ZHX3: variants seen among roughly 807,000 people sequenced by gnomAD.
The protein encoded by ZHX3 is zinc fingers and homeoboxes protein 3.
A neutral mutation model predicts 64.5 loss-of-function variants in ZHX3; 20 were observed. The observed-to-expected ratio is 0.31, with a 90% CI of 0.22 to 0.45. ZHX3 has a LOEUF of 0.45. ZHX3 is among the 20% of genes least tolerant of loss of function. The pLI is 1.00. For missense variants in ZHX3, 1,041 were observed against 1,195.8 expected, an observed-to-expected ratio of 0.87 and a Z score of 1.91; for synonymous variants, 423 against 461.6, an observed-to-expected ratio of 0.92 and a Z score of 1.07.
In ZHX3 at chr20:41,185,262, G is replaced by T. The variant is rs188598257; in HGVS notation, c.2861-61C>A. 1,163 of 1,547,080 alleles carry T rather than the reference G, an allele frequency of 7.5e-4. 10 individuals carry two copies. In the African/African-American group the frequency reaches 0.014, roughly 19 times the overall value. On this transcript the variant is annotated intron_variant, in intron 3 of 3. Transcript: ENST00000683867. The surrounding 1 kb of genome is among the most constrained non-coding windows in gnomAD (Gnocchi z 5.0). The stretch of plus-strand genomic sequence containing the variant: ...GCTGCCACCACCTGCCCCCCAGGCA[G>T]CCTGGTCCTTGCTATACCAGGGTGG...
chr20:41,220,443 G>C (rs1420857668), intron 2 of ZHX3, among the ~76,000 whole-genome samples: 1 of 152,224 alleles, frequency 6.6e-6, no homozygotes, highest in Non-Finnish European at 1.5e-5. Context: ...TACAGCCGAA[G>C]CTTTGGGGAC....
chr20:41,220,993 A>G lies in ZHX3; in HGVS notation c.-150-15927T>C, dbSNP rs1458265225. Among the ~76,000 whole-genome samples, 6 of 151,906 alleles carry G rather than the reference A, an allele frequency of 3.9e-5. No homozygotes were observed. In the South Asian group the frequency reaches 6.2e-4, roughly 16 times the overall value. On this transcript the variant is annotated intron_variant, in intron 2 of 3. Coordinates refer to ENST00000683867, the MANE Select transcript of ZHX3 (RefSeq NM_001384317.1). Reference sequence around the variant, plus strand: ...CATAGCCACTGTGCCCAGCCGACACATTTTTCAATTGGAAAAACGTGATTT... The same window carrying G: ...CATAGCCACTGTGCCCAGCCGACACGTTTTTCAATTGGAAAAACGTGATTT...
intron 1 of ZHX3, among the ~76,000 whole-genome samples, chr20:41,299,127 C>T (rs1340661661): frequency 6.6e-6 from 1 of 152,206 alleles, no homozygotes; most frequent in East Asian, 1.9e-4. Context: ...CAGCATTTCT[C>T]ACCCTGCTAA....
chr20:41,307,561 A>C (rs186707623), intron 1 of ZHX3, among the ~76,000 whole-genome samples: 16 of 152,318 alleles, frequency 1.1e-4, no homozygotes, highest in South Asian at 2.1e-4. Flanking sequence ...AATATTCCTT[A>C]ATGCATCACA....
chr20:41,281,100 T>A (rs780226162), intron 1 of ZHX3, among the ~76,000 whole-genome samples: 1 of 152,200 alleles, frequency 6.6e-6, no homozygotes, highest in Non-Finnish European at 1.5e-5. Flanking sequence ...TTAGGAAGCA[T>A]GCTAACTGTA....
intron 2 of ZHX3, among the ~76,000 whole-genome samples, chr20:41,237,895 A>T (rs1464648011): frequency 3.3e-5 from 5 of 152,240 alleles, no homozygotes; most frequent in Admixed American, 3.3e-4. Context: ...AAGAGGTTCC[A>T]GATGTCAACT....
chr20:41,214,382 G>A (rs546183504), intron 2 of ZHX3, among the ~76,000 whole-genome samples: 6 of 152,254 alleles, frequency 3.9e-5, no homozygotes, highest in African/African-American at 1.2e-4. Context: ...TGCCTGGAGC[G>A]CACACAACTG....
At chr20:41,300,342 A>G (rs375846674) in intron 1 of ZHX3, among the ~76,000 whole-genome samples, 2 of 152,338 alleles carry the variant, frequency 1.3e-5, no homozygotes, top group South Asian at 2.1e-4. Context: ...TTCTAGTTAA[A>G]TTAATCTGTT....
intron 3 of ZHX3, chr20:41,197,116 G>T: frequency 4.6e-6 from 1 of 219,162 alleles, no homozygotes; most frequent in South Asian, 8.3e-5. Flanking sequence ...ACTGGCTCCT[G>T]ATTACAATGC....
intron 1 of ZHX3, among the ~76,000 whole-genome samples, chr20:41,289,697 CTT>C (rs11477086): frequency 4.8e-5 from 7 of 144,346 alleles, no homozygotes; most frequent in African/African-American, 1.3e-4. Flanking sequence ...AAGACTGTCA[CTT>C]TTTTTTTTTT....
chr20:41,236,969 TC>T (rs2041043685), intron 2 of ZHX3, among the ~76,000 whole-genome samples: 1 of 152,248 alleles, frequency 6.6e-6, no homozygotes, highest in African/African-American at 2.4e-5. Context: ...AACAGACACT[TC>T]TCAAAAGAAG....
chr20:41,314,859 A>G (rs1162494289), intron 1 of ZHX3, among the ~76,000 whole-genome samples: 6 of 152,230 alleles, frequency 3.9e-5, no homozygotes, highest in Admixed American at 3.9e-4. Flanking sequence ...TCCTTCATTC[A>G]TTCAACAAAT....
At chr20:41,295,284 TGCA>T (rs1490795001) in intron 1 of ZHX3, among the ~76,000 whole-genome samples, 6 of 152,130 alleles carry the variant, frequency 3.9e-5, no homozygotes, top group Non-Finnish European at 5.9e-5. Context: ...TTTCATAGAA[TGCA>T]GCAAGGCATA....
At chr20:41,297,075 C>A (rs1018435188) in intron 1 of ZHX3, among the ~76,000 whole-genome samples, 1 of 152,134 alleles carries the variant, frequency 6.6e-6, no homozygotes, top group African/African-American at 2.4e-5. Flanking sequence ...GTTGAGAATG[C>A]CAACTTTTCC....
intron 2 of ZHX3, among the ~76,000 whole-genome samples, chr20:41,256,805 G>T (rs1220513403): frequency 2.6e-5 from 4 of 151,224 alleles, no homozygotes; most frequent in Admixed American, 2.6e-4. Flanking sequence ...ATCTAAACAT[G>T]TTATAAAACC....
At chr20:41,315,429 G>A (rs1013621512) in intron 1 of ZHX3, among the ~76,000 whole-genome samples, 14 of 144,528 alleles carry the variant, frequency 9.7e-5, no homozygotes, top group South Asian at 2.2e-4. Flanking sequence ...TCCTGACCTC[G>A]TGATCCGCCC....
At chr20:41,199,583 G>C (rs574375234) in intron 3 of ZHX3, among the ~76,000 whole-genome samples, 1 of 152,022 alleles carries the variant, frequency 6.6e-6, no homozygotes, top group East Asian at 1.9e-4. Flanking sequence ...AATAGGTACT[G>C]TCTCTTTAAA....
intron 2 of ZHX3, among the ~76,000 whole-genome samples, chr20:41,263,395 ATTT>A (rs11479971): frequency 6.4e-5 from 9 of 140,218 alleles, no homozygotes; most frequent in Admixed American, 7.1e-5. Context: ...CATTAGAGGA[ATTT>A]TTTTTTTTTT....
chr20:41,255,791 G>T (rs982937055), intron 2 of ZHX3, among the ~76,000 whole-genome samples: 1 of 152,144 alleles, frequency 6.6e-6, no homozygotes, highest in Non-Finnish European at 1.5e-5. Context: ...ATTCAGGAAG[G>T]GAGAGGTGTC....
Sources: allele counts gnomAD v4.1 joint callset (sites outside exome capture counted in the v4.1 genomes callset), GRCh38; gene constraint gnomAD v4.1.1; non-coding constraint Gnocchi (gnomAD v3.1); transcripts MANE v1.5; gene names NCBI Gene and HGNC (gene_info 2026-07-23, HGNC 2026-07-21).